The following SEPTIN9 variants were observed in gnomAD, a reference collection of about 807,000 sequenced individuals.
The protein encoded by SEPTIN9 is septin-9.
SEPTIN9 carries 13 observed loss-of-function variants against 56.6 expected under a neutral mutation model. That is an observed-to-expected ratio of 0.23 (90% confidence interval 0.15 to 0.37). The LOEUF (loss-of-function observed/expected upper bound fraction) is 0.37, where lower values mean the gene tolerates loss of function less well. Ranked by LOEUF, SEPTIN9 falls within the 10% of genes least tolerant of loss-of-function variation. SEPTIN9 has a pLI of 1.00. For synonymous variants in SEPTIN9, 332 were observed against 334.1 expected, an observed-to-expected ratio of 0.99 and a Z score of 0.07; for missense variants, 650 against 823.1, an observed-to-expected ratio of 0.79 and a Z score of 2.57.
rs1055902433 is a variant in SEPTIN9, at chr17:77,402,499, C to T, written c.517C>T (p.Pro173Ser). ...RRMEPPASKV[P>S]EVPTAPATDA... is the part of the protein sequence containing the mutation. ...GATGGAGCCCCCTGCCTCCAAGGTC[C>T]CCGAGGTGCCCACTGCCCCTGCCAC... The change falls in exon 3 of 12, where the codon CCC (proline) becomes TCC (serine). Residue 173 changes from proline (P) to serine (S), a missense_variant. Physicochemically the swap from Pro to Ser is moderately conservative, Grantham distance 74 (BLOSUM62 -1). Around this residue, in one of 2 missense-constraint regions of SEPTIN9, gnomAD observed 317 missense variants for 329.1 expected, o/e 0.96. Coordinates refer to ENST00000427177, the MANE Select transcript of SEPTIN9 (RefSeq NM_001113491.2). The surrounding 1 kb of genome is among the most constrained non-coding windows in gnomAD (Gnocchi z 6.6). 6.2e-7 allele frequency: 1 copy of T among 1,603,414 alleles called. No homozygotes were observed. The highest frequency in any genetic ancestry group is 8.5e-7 in the Non-Finnish European group (1 of 1,175,562).
intron 3 of SEPTIN9, among the ~76,000 whole-genome samples, chr17:77,408,340 T>C (rs1252471067): frequency 3.9e-5 from 6 of 152,082 alleles, no homozygotes; most frequent in Admixed American, 2.0e-4. Context: ...GGATGTGAAA[T>C]TGGGGCGGGG....
intron 2 of SEPTIN9, among the ~76,000 whole-genome samples, chr17:77,363,288 C>A (rs2034474137): frequency 6.6e-6 from 1 of 151,970 alleles, no homozygotes; most frequent in Non-Finnish European, 1.5e-5. Flanking sequence ...TAAACAGACA[C>A]TCCCGCAACT....
At chr17:77,320,673 G>GC (rs1185760245) in intron 2 of SEPTIN9, among the ~76,000 whole-genome samples, 1 of 152,184 alleles carries the variant, frequency 6.6e-6, no homozygotes, top group African/African-American at 2.4e-5. Flanking sequence ...TGGGGGACCT[G>GC]CCCCCCTGGC....
intron 3 of SEPTIN9, among the ~76,000 whole-genome samples, chr17:77,462,202 A>G (rs1310332838): frequency 2.6e-5 from 4 of 152,196 alleles, no homozygotes; most frequent in East Asian, 1.9e-4. Context: ...GAGCCTTCAT[A>G]AGGAAATGAA....
intron 1 of SEPTIN9, among the ~76,000 whole-genome samples, chr17:77,306,366 G>A (rs2032265059): frequency 6.6e-6 from 1 of 152,204 alleles, no homozygotes; most frequent in South Asian, 2.1e-4. Flanking sequence ...TACAGCAATA[G>A]GGTGGCCGCC....
chr17:77,351,456 A>G (rs1231659979), intron 2 of SEPTIN9, among the ~76,000 whole-genome samples: 1 of 152,214 alleles, frequency 6.6e-6, no homozygotes, highest in Non-Finnish European at 1.5e-5. Context: ...CACTGGGGAC[A>G]TTGAGTGGCT....
intron 3 of SEPTIN9, among the ~76,000 whole-genome samples, chr17:77,455,176 G>C (rs1200289795): frequency 6.6e-6 from 1 of 152,096 alleles, no homozygotes; most frequent in East Asian, 1.9e-4. Flanking sequence ...CTAAGCTAAG[G>C]GTGGGGAACA....
chr17:77,450,205 G>C lies in SEPTIN9; in HGVS notation c.722-31939G>C, dbSNP rs1010835659. ...ACGGGTCAGATGCCAGTGACTGCTG[G>C]CTGGGGAGCCGCTGGACGTGGCTGG... On this transcript the variant is annotated intron_variant, in intron 3 of 11. Coordinates refer to ENST00000427177, the MANE Select transcript of SEPTIN9 (RefSeq NM_001113491.2). The surrounding 1 kb of genome is among the most constrained non-coding windows in gnomAD (Gnocchi z 6.0). Among the ~76,000 whole-genome samples, 1 of 152,174 alleles carries C rather than the reference G, an allele frequency of 6.6e-6. No individual in the cohort carries two copies. Among genetic ancestry groups the C allele is most frequent in the Non-Finnish European group, 1.5e-5 (1 of 68,030 alleles).
rs185602016 is a variant in SEPTIN9, at chr17:77,462,019, T to G, written c.722-20125T>G. Among the ~76,000 whole-genome samples the G allele has an allele frequency of 7.9e-4, 121 of 152,332 alleles. 1 individual carries two copies. The highest frequency in any genetic ancestry group is 1.5e-3 in the Non-Finnish European group (99 of 68,030). ...TCACTCAGGCCTTGTGTCCTCCTAT[T>G]CAGACCTTCAGGCCTTTGTCACAAA... On this transcript the variant is annotated intron_variant, in intron 3 of 11. Transcript: ENST00000427177.
chr17:77,402,222 C>T lies in SEPTIN9; in HGVS notation c.240C>T (p.Ser80=). The T allele has an allele frequency of 2.5e-6, 4 of 1,613,614 alleles. No homozygotes were observed. Among genetic ancestry groups the T allele is most frequent in the Non-Finnish European group, 3.4e-6 (4 of 1,179,880 alleles). The stretch of plus-strand genomic sequence containing the variant: ...AACCCTCGGCCCGCCATGTGGACTC[C>T]CTAAGCCAACGCTCCCCCAAGGCGT... ...NSEPSARHVD[S]LSQRSPKASL... is the part of the protein sequence containing the mutation. The change falls in exon 3 of 12, where the codon TCC becomes TCT. Residue 80 remains serine, a synonymous_variant. Coordinates refer to ENST00000427177, the MANE Select transcript of SEPTIN9 (RefSeq NM_001113491.2). The surrounding 1 kb of genome is among the most constrained non-coding windows in gnomAD (Gnocchi z 6.6).
chr17:77,410,354 AC>A (rs1461076509), intron 3 of SEPTIN9, among the ~76,000 whole-genome samples: 1 of 152,166 alleles, frequency 6.6e-6, no homozygotes, highest in Non-Finnish European at 1.5e-5. Flanking sequence ...GTCCACAGTT[AC>A]ATGGCTACCA....
At chr17:77,340,431 G>A (rs866526517) in intron 2 of SEPTIN9, among the ~76,000 whole-genome samples, 5 of 152,300 alleles carry the variant, frequency 3.3e-5, no homozygotes, top group Admixed American at 6.5e-5. Context: ...GTGAGTTGCC[G>A]CACCAGGCCT....
chr17:77,491,797 C>T (rs1405197607), intron 8 of SEPTIN9, among the ~76,000 whole-genome samples: 3 of 128,636 alleles, frequency 2.3e-5, no homozygotes, highest in Non-Finnish European at 4.8e-5. Context: ...CAGAGCGAGA[C>T]TCCATCTCAA....
intron 3 of SEPTIN9, among the ~76,000 whole-genome samples, chr17:77,416,500 C>T (rs909990554): frequency 7.2e-5 from 11 of 152,174 alleles, no homozygotes; most frequent in African/African-American, 1.7e-4. Flanking sequence ...AGGGACATGC[C>T]GGCAGCAGGC....
At chr17:77,432,044 G>GT (rs1031072179) in intron 3 of SEPTIN9, among the ~76,000 whole-genome samples, 5 of 152,252 alleles carry the variant, frequency 3.3e-5, no homozygotes, top group African/African-American at 1.2e-4. Flanking sequence ...CCAGCTGGGG[G>GT]TGGGGGGCAG....
chr17:77,383,249 TCC>T (rs971792765), intron 2 of SEPTIN9, among the ~76,000 whole-genome samples: 7 of 148,590 alleles, frequency 4.7e-5, no homozygotes, highest in African/African-American at 1.7e-4. Flanking sequence ...AGCTGTTCTC[TCC>T]TTACCCACAG....
intron 4 of SEPTIN9, chr17:77,483,883 A>G (rs2039559098): frequency 6.6e-6 from 1 of 152,322 alleles, no homozygotes. Flanking sequence ...GACGTGGGGC[A>G]GCTCTGCTCT....
intron 1 of SEPTIN9, among the ~76,000 whole-genome samples, chr17:77,284,105 C>G (rs1020863422): frequency 1.3e-5 from 2 of 152,016 alleles, no homozygotes; most frequent in African/African-American, 4.8e-5. Context: ...ACTCAGGAGG[C>G]TGAGACACGA....
At chr17:77,468,182 G>T (rs574151520) in intron 3 of SEPTIN9, among the ~76,000 whole-genome samples, 1 of 152,236 alleles carries the variant, frequency 6.6e-6, no homozygotes, top group South Asian at 2.1e-4. Context: ...GGAGAATGGC[G>T]TGAACCCGGG....
Sources: allele counts gnomAD v4.1 joint callset (sites outside exome capture counted in the v4.1 genomes callset), GRCh38; gene constraint gnomAD v4.1.1; regional missense constraint gnomAD v4.1.1; non-coding constraint Gnocchi (gnomAD v3.1); transcripts MANE v1.5; gene names NCBI Gene and HGNC (gene_info 2026-07-23, HGNC 2026-07-21).